The following GALNT2 variants were observed in gnomAD, a reference collection of about 807,000 sequenced individuals.
The protein encoded by GALNT2 is UDP-GalNAc:polypeptide N-acetylgalactosaminyltransferase 2.
GALNT2 carries 31 observed loss-of-function variants against 81.4 expected under a neutral mutation model. The observed-to-expected ratio is 0.38, with a 90% CI of 0.29 to 0.51. The LOEUF (loss-of-function observed/expected upper bound fraction) is 0.51, where lower values mean the gene tolerates loss of function less well. Ranked by LOEUF, GALNT2 falls within the 20% of genes least tolerant of loss-of-function variation. The pLI, the probability that GALNT2 is intolerant of heterozygous loss-of-function variation, is 0.87. For missense variants in GALNT2, 629 were observed against 765.7 expected (o/e 0.82, Z 2.11); for synonymous variants, 303 against 287.4 (o/e 1.05, Z -0.55).
At chr1:230,080,694 TC>T (rs1482671367) in intron 1 of GALNT2, among the ~76,000 whole-genome samples, 2 of 152,100 alleles carry the variant, frequency 1.3e-5, no homozygotes, top group African/African-American at 4.8e-5. Flanking sequence ...TGGCCTGGGC[TC>T]CGGAGCAGAC....
chr1:230,150,372 A>C (rs928886943), intron 1 of GALNT2, among the ~76,000 whole-genome samples: 1 of 152,240 alleles, frequency 6.6e-6, no homozygotes, highest in Non-Finnish European at 1.5e-5. Context: ...ATTTCTTCTC[A>C]GAAACTTATA....
intron 1 of GALNT2, among the ~76,000 whole-genome samples, chr1:230,100,272 T>C (rs373865222): frequency 9.9e-5 from 15 of 151,834 alleles, no homozygotes; most frequent in African/African-American, 3.6e-4. Context: ...TGCCTGGTAA[T>C]GTGCAGGATG....
Position 230,074,163 on chromosome 1 carries a change from G to A in GALNT2, c.126+6757G>A, listed in dbSNP as rs1469967562. The stretch of plus-strand genomic sequence containing the variant: ...GTTAGAGCTCAGTGGTACAACCAGA[G>A]CTAACTGTAGCCTCAAACTCCTGGG... On this transcript the variant is annotated intron_variant, in intron 1 of 15. Coordinates refer to ENST00000366672, the MANE Select transcript of GALNT2 (RefSeq NM_004481.5). 2.0e-5 allele frequency among the ~76,000 whole-genome samples: 3 copies of A among 151,858 alleles called. No homozygotes were observed. The East Asian group carries it at 5.8e-4, about 29-fold the overall frequency.
chr1:230,165,122 A>G (rs552396695), intron 1 of GALNT2, among the ~76,000 whole-genome samples: 82 of 152,366 alleles, frequency 5.4e-4, no homozygotes, highest in Non-Finnish European at 1.1e-3. Context: ...ATTAAAGAAC[A>G]TGTGAAAGTC....
At chr1:230,165,066 A>G (rs1051073977) in intron 1 of GALNT2, among the ~76,000 whole-genome samples, 1 of 152,212 alleles carries the variant, frequency 6.6e-6, no homozygotes, top group Non-Finnish European at 1.5e-5. Flanking sequence ...CAACTTTAAC[A>G]TATCTGGGCT....
At chr1:230,256,746 T>C (rs1665728071) in intron 11 of GALNT2, among the ~76,000 whole-genome samples, 1 of 152,218 alleles carries the variant, frequency 6.6e-6, no homozygotes, top group African/African-American at 2.4e-5. Flanking sequence ...TAGAACAGCG[T>C]ACAAGCCAGA....
chr1:230,081,918 A>G (rs1156297287), intron 1 of GALNT2, among the ~76,000 whole-genome samples: 1 of 152,170 alleles, frequency 6.6e-6, no homozygotes, highest in Non-Finnish European at 1.5e-5. Flanking sequence ...TGTCTGGAAA[A>G]GAGAGTTAGT....
At chr1:230,137,182 A>G (rs1661576279) in intron 1 of GALNT2, among the ~76,000 whole-genome samples, 1 of 152,148 alleles carries the variant, frequency 6.6e-6, no homozygotes, top group Admixed American at 6.5e-5. Context: ...TTTTCACTGG[A>G]GCCTGAGTGG....
chr1:230,069,769 C>T lies in GALNT2; in HGVS notation c.126+2363C>T, dbSNP rs183942693. Among the ~76,000 whole-genome samples, 220 of 145,220 alleles carry T rather than the reference C, an allele frequency of 1.5e-3. 1 individual carries two copies. The highest frequency in any genetic ancestry group is 5.5e-3 in the African/African-American group (212 of 38,570). ...ATAAAAAAAGATAGCGGGCCATGCA[C>T]AGAAAGGCAGAATTTAAAAGCTAGC... On this transcript the variant is annotated intron_variant, in intron 1 of 15. Coordinates refer to ENST00000366672, the MANE Select transcript of GALNT2 (RefSeq NM_004481.5).
At chr1:230,154,957 C>T (rs1333192430) in intron 1 of GALNT2, among the ~76,000 whole-genome samples, 1 of 152,176 alleles carries the variant, frequency 6.6e-6, no homozygotes, top group African/African-American at 2.4e-5. Flanking sequence ...TCCAAGGCCC[C>T]TTGCAGTTCT....
chr1:230,249,305 A>G, intron 9 of GALNT2, 34 bp downstream of exon 9: 1 of 1,589,198 alleles, frequency 6.3e-7, no homozygotes, highest in Non-Finnish European at 8.6e-7. Flanking sequence ...TGCCCCTCCC[A>G]GATGAGACCC....
At chr1:230,189,793 T>C (rs779415034) in intron 2 of GALNT2, among the ~76,000 whole-genome samples, 12 of 152,222 alleles carry the variant, frequency 7.9e-5, no homozygotes, top group Admixed American at 6.5e-5. Flanking sequence ...ACTGTACCCA[T>C]GTAGTACCAA....
At chr1:230,094,987 C>T (rs764774845) in intron 1 of GALNT2, among the ~76,000 whole-genome samples, 27 of 152,170 alleles carry the variant, frequency 1.8e-4, no homozygotes, top group Non-Finnish European at 3.4e-4. Flanking sequence ...GCACGGGCCG[C>T]GATGATGTCG....
At chr1:230,166,834 G>A (rs1662619180) in intron 1 of GALNT2, among the ~76,000 whole-genome samples, 1 of 152,214 alleles carries the variant, frequency 6.6e-6, no homozygotes, top group Admixed American at 6.5e-5. Context: ...TCAGAATGGG[G>A]GAGAATTGCT....
At chr1:230,123,229 C>T (rs990011515) in intron 1 of GALNT2, among the ~76,000 whole-genome samples, 4 of 152,172 alleles carry the variant, frequency 2.6e-5, no homozygotes, top group African/African-American at 9.7e-5. Context: ...AACAAAATTT[C>T]CAAGCTTGAT....
chr1:230,271,883 A>G lies in GALNT2; in HGVS notation c.1441-2562A>G, dbSNP rs1310419674. On this transcript the variant is annotated intron_variant, in intron 14 of 15. Coordinates refer to ENST00000366672, the MANE Select transcript of GALNT2 (RefSeq NM_004481.5). The surrounding 1 kb of genome is among the most constrained non-coding windows in gnomAD (Gnocchi z 4.2). The stretch of plus-strand genomic sequence containing the variant: ...GATCTCCAGCTCCTCTTCCCTTCCC[A>G]GAGGATGGGGTGGCGGGGGACTGAC... Among the ~76,000 whole-genome samples the G allele has an allele frequency of 1.3e-5, 2 of 152,160 alleles. No homozygotes were observed. Among genetic ancestry groups the G allele is most frequent in the African/African-American group, 4.8e-5 (2 of 41,440 alleles).
intron 1 of GALNT2, among the ~76,000 whole-genome samples, chr1:230,160,570 C>T (rs1017540394): frequency 3.3e-5 from 5 of 151,950 alleles, no homozygotes; most frequent in East Asian, 1.9e-4. Context: ...AAAAATTAGC[C>T]GGTCGTGGTA....
chr1:230,261,398 G>A (rs538319104), intron 11 of GALNT2, among the ~76,000 whole-genome samples: 1 of 152,268 alleles, frequency 6.6e-6, no homozygotes, highest in African/African-American at 2.4e-5. Context: ...ATTTTAAAAG[G>A]CGAGCATTAC....
intron 3 of GALNT2, among the ~76,000 whole-genome samples, chr1:230,229,927 C>T (rs2102730599): frequency 6.6e-6 from 1 of 152,286 alleles, no homozygotes; most frequent in East Asian, 1.9e-4. Context: ...GTGATTGCCC[C>T]TGGGGAAGAT....
Sources: allele counts gnomAD v4.1 joint callset (sites outside exome capture counted in the v4.1 genomes callset), GRCh38; gene constraint gnomAD v4.1.1; non-coding constraint Gnocchi (gnomAD v3.1); transcripts MANE v1.5; gene names NCBI Gene and HGNC (gene_info 2026-07-23, HGNC 2026-07-21).